The following NCAM1 variants were observed in gnomAD, a reference collection of about 807,000 sequenced individuals.
NCAM1 encodes antigen recognized by monoclonal antibody 5.1H11.
A neutral mutation model predicts 109.8 loss-of-function variants in NCAM1; 14 were observed. That is an observed-to-expected ratio of 0.13 (90% confidence interval 0.08 to 0.20). The LOEUF is 0.20. Ranked by LOEUF, NCAM1 falls within the 10% of genes least tolerant of loss-of-function variation. NCAM1 has a pLI of 1.00. For missense variants in NCAM1, 774 were observed against 1,109.9 expected, an observed-to-expected ratio of 0.70 and a Z score of 4.30; for synonymous variants, 418 against 442.9, an observed-to-expected ratio of 0.94 and a Z score of 0.70.
At chr11:113,038,444 C>T in intron 1 of NCAM1, among the ~76,000 whole-genome samples, 1 of 152,232 alleles carries the variant, frequency 6.6e-6, no homozygotes, top group East Asian at 1.9e-4. Flanking sequence ...TTAGTCCGGA[C>T]TTGACTTGGT....
intron 1 of NCAM1, among the ~76,000 whole-genome samples, chr11:113,165,774 G>A (rs1366753760): frequency 1.3e-5 from 2 of 151,696 alleles, no homozygotes; most frequent in Non-Finnish European, 1.5e-5. Flanking sequence ...CTGGCTTCTC[G>A]CCTGGTCCGG....
intron 1 of NCAM1, among the ~76,000 whole-genome samples, chr11:113,050,885 T>C (rs1211041152): frequency 6.6e-6 from 1 of 152,240 alleles, no homozygotes; most frequent in African/African-American, 2.4e-5. Context: ...ATATTAAAAA[T>C]AATTTCTGAG....
intron 15 of NCAM1, among the ~76,000 whole-genome samples, chr11:113,251,578 G>C (rs1945680144): frequency 6.6e-6 from 1 of 152,126 alleles, no homozygotes; most frequent in African/African-American, 2.4e-5. Context: ...TATTGGCAAA[G>C]TTTCTTTTTA....
rs544090764 is a variant in NCAM1, at chr11:113,277,346, C to T, written c.*1959C>T. The T allele has an allele frequency of 5.0e-6, 2 of 399,056 alleles. No homozygotes were observed. The highest frequency in any genetic ancestry group is 2.1e-5 in the African/African-American group (1 of 48,640). The allele number at this position is 399,056 out of a possible 1,614,324, so 24.7% of individuals were successfully genotyped here. ...AATGTGGGGTTATGTTGCATTTTCT[C>T]AGCTCCTGGGGATGGAAATGGAGGA... On this transcript the variant is annotated 3_prime_UTR_variant, in exon 20 of 20. Transcript: ENST00000316851.
intron 1 of NCAM1, among the ~76,000 whole-genome samples, chr11:113,095,153 A>G (rs1939535024): frequency 6.6e-6 from 1 of 152,172 alleles, no homozygotes; most frequent in Non-Finnish European, 1.5e-5. Context: ...TAAAGAGAAT[A>G]TGATTGAAGA....
At chr11:113,118,321 A>G (rs1430501929) in intron 1 of NCAM1, among the ~76,000 whole-genome samples, 2 of 151,954 alleles carry the variant, frequency 1.3e-5, no homozygotes, top group African/African-American at 2.4e-5. Context: ...TTAGCCTGAC[A>G]GGGAGATAAG....
intron 1 of NCAM1, among the ~76,000 whole-genome samples, chr11:113,167,452 C>T (rs1351944585): frequency 6.6e-6 from 1 of 151,746 alleles, no homozygotes; most frequent in African/African-American, 2.4e-5. Context: ...CACTTCTCCA[C>T]AGGCCTTCCT....
intron 1 of NCAM1, chr11:112,977,554 C>T (rs1377021006): frequency 4.0e-5 from 6 of 151,704 alleles, no homozygotes; most frequent in Non-Finnish European, 7.4e-5. Context: ...TGAGTCTTGT[C>T]CCATATAAAT....
At chr11:113,131,729 GGC>G (rs1555098343) in intron 1 of NCAM1, among the ~76,000 whole-genome samples, 2 of 152,182 alleles carry the variant, frequency 1.3e-5, no homozygotes, top group Non-Finnish European at 2.9e-5. Flanking sequence ...TCCCCAGCCA[GGC>G]AGCTGATAGG....
At chr11:113,002,968 A>C (rs1227717077) in intron 1 of NCAM1, among the ~76,000 whole-genome samples, 1 of 152,252 alleles carries the variant, frequency 6.6e-6, no homozygotes, top group Admixed American at 6.5e-5. Flanking sequence ...TGTTTGATAG[A>C]ATCTTATCAA....
At chr11:113,252,661 G>A (rs1321414777) in intron 15 of NCAM1, among the ~76,000 whole-genome samples, 2 of 151,882 alleles carry the variant, frequency 1.3e-5, no homozygotes, top group African/African-American at 4.8e-5. Context: ...TTTGAGACAA[G>A]GTCTCACTCT....
intron 16 of NCAM1, among the ~76,000 whole-genome samples, chr11:113,257,339 C>G (rs2186798): frequency 0.12 from 18,091 of 152,260 alleles, 1,218 homozygotes; most frequent in East Asian, 0.3. Flanking sequence ...AGCTTTACTA[C>G]TTATTCTGGA....
At chr11:113,208,068 A>G (rs1565500468) in intron 7 of NCAM1, 66 bp downstream of exon 7, 2 of 1,514,410 alleles carry the variant, frequency 1.3e-6, no homozygotes, top group Non-Finnish European at 1.8e-6. Context: ...CATTCAGTCC[A>G]TCAGTAAGAC....
At chr11:113,107,655 G>A (rs12788208) in intron 1 of NCAM1, among the ~76,000 whole-genome samples, 74,807 of 151,878 alleles carry the variant, frequency 0.49, 19,244 homozygotes, top group Middle Eastern at 0.55. Flanking sequence ...CAGATCTCGT[G>A]AGACTTTCAT....
At chr11:113,160,479 C>T (rs1242109668) in intron 1 of NCAM1, among the ~76,000 whole-genome samples, 1 of 152,150 alleles carries the variant, frequency 6.6e-6, no homozygotes. Flanking sequence ...GAACTTGGAA[C>T]TGCAGAGTTT....
intron 14 of NCAM1, among the ~76,000 whole-genome samples, chr11:113,243,107 A>G (rs149687208): frequency 0.013 from 1,906 of 152,358 alleles, 22 homozygotes; most frequent in Non-Finnish European, 0.018. Flanking sequence ...TCGACTCTCT[A>G]GTTAAAAATA....
At chr11:113,037,533 T>C (rs1952931492) in intron 1 of NCAM1, among the ~76,000 whole-genome samples, 1 of 152,180 alleles carries the variant, frequency 6.6e-6, no homozygotes, top group African/African-American at 2.4e-5. Context: ...CCATCATCAC[T>C]GGACCCCTGA....
chr11:113,193,417 G>A (rs782051526), intron 1 of NCAM1, among the ~76,000 whole-genome samples: 24 of 152,146 alleles, frequency 1.6e-4, no homozygotes, highest in Non-Finnish European at 2.5e-4. Context: ...AGGCCGAGGC[G>A]GTTGGATCAT....
Position 113,172,368 on chromosome 11 carries a change from G to A in NCAM1, c.53-30011G>A, listed in dbSNP as rs565491421. Among the ~76,000 whole-genome samples the A allele has an allele frequency of 3.9e-5, 6 of 152,164 alleles. No homozygotes were observed. The South Asian group carries it at 8.3e-4, about 21-fold the overall frequency. On this transcript the variant is annotated intron_variant, in intron 1 of 19. Coordinates refer to ENST00000316851, the MANE Select transcript of NCAM1 (RefSeq NM_181351.5). ...CATCCCCTCTACATTCCAAATAGCC[G>A]TCCTCACCTGTATTCCCAGCAGTCC... is the stretch of plus-strand genomic sequence containing the variant.
Sources: allele counts gnomAD v4.1 joint callset (sites outside exome capture counted in the v4.1 genomes callset), GRCh38; gene constraint gnomAD v4.1.1; transcripts MANE v1.5; gene names NCBI Gene and HGNC (gene_info 2026-07-23, HGNC 2026-07-21).